Variants in SPOCK3 observed in about 807,000 individuals in gnomAD.
The protein encoded by SPOCK3 is testican-3.
Under a neutral mutation model 56.6 loss-of-function variants are expected in SPOCK3, and 30 were observed. That is an observed-to-expected ratio of 0.53 (90% CI 0.40 to 0.72). The LOEUF is 0.72. Among genes scored for constraint, SPOCK3 ranks in the 30% least tolerant of loss-of-function variants. The pLI is 0.00. For missense variants in SPOCK3, 527 were observed against 530.0 expected, an observed-to-expected ratio of 0.99 and a Z score of 0.06; for synonymous variants, 196 against 183.3, an observed-to-expected ratio of 1.07 and a Z score of -0.56.
At position 166,836,844 on chromosome 4, in the gene SPOCK3, C is replaced by T. The variant is rs566120851; in HGVS notation, c.590-44555G>A. ...GACTACCATCTGTATCTTATTACCT[C>T]GGCCTACTTTCAGAGATAATTCTGA... On this transcript the variant is annotated intron_variant, in intron 6 of 10. Transcript: ENST00000357545. Among the ~76,000 whole-genome samples, 17 of 152,288 alleles carry T rather than the reference C, an allele frequency of 1.1e-4. 1 individual carries two copies. Among genetic ancestry groups the T allele is most frequent in the African/African-American group, 3.9e-4 (16 of 41,552 alleles).
At chr4:167,031,447 C>T (rs1752265377) in intron 3 of SPOCK3, among the ~76,000 whole-genome samples, 4 of 151,944 alleles carry the variant, frequency 2.6e-5, no homozygotes, top group Non-Finnish European at 5.9e-5. Context: ...TAAAAAAGCA[C>T]AGTTACTGTG....
At chr4:166,772,885 A>G (rs10034162) in intron 7 of SPOCK3, among the ~76,000 whole-genome samples, 50,445 of 151,946 alleles carry the variant, frequency 0.33, 8,544 homozygotes, top group Admixed American at 0.42. Flanking sequence ...CAACCTCCTG[A>G]GCTCAAGTGA....
intron 2 of SPOCK3, among the ~76,000 whole-genome samples, chr4:167,122,912 G>A (rs1284581441): frequency 6.6e-6 from 1 of 151,630 alleles, no homozygotes; most frequent in Non-Finnish European, 1.5e-5. Context: ...AGTAGTACCA[G>A]CCTTAAAATA....
intron 2 of SPOCK3, among the ~76,000 whole-genome samples, chr4:167,196,670 G>C (rs1554051369): frequency 1.3e-5 from 2 of 151,926 alleles, no homozygotes; most frequent in Non-Finnish European, 2.9e-5. Context: ...TAGAGTTCAG[G>C]GTTCTCTTCT....
chr4:166,993,013 A>G (rs1229989206), intron 4 of SPOCK3, among the ~76,000 whole-genome samples: 1 of 152,074 alleles, frequency 6.6e-6, no homozygotes, highest in Non-Finnish European at 1.5e-5. Flanking sequence ...GCCCTCTTCT[A>G]CCGATCATCG....
chr4:167,174,069 T>G (rs930189553), intron 2 of SPOCK3, among the ~76,000 whole-genome samples: 2 of 152,162 alleles, frequency 1.3e-5, no homozygotes, highest in Non-Finnish European at 2.9e-5. Flanking sequence ...TGTTTTTTAA[T>G]AGCTTCAGAA....
chr4:166,737,451 T>C lies in SPOCK3; in HGVS notation c.1132+16A>G. ...TGTGCTTAGAAAATTATGAAATAAG[T>C]AACCCTTCTCCTTACCACAATCTGC... On this transcript the variant is annotated intron_variant, in intron 10 of 10. Coordinates refer to ENST00000357545, the MANE Select transcript of SPOCK3 (RefSeq NM_001040159.2). 1 of 1,604,186 alleles carries C rather than the reference T, an allele frequency of 6.2e-7. No homozygotes were observed. Among genetic ancestry groups the C allele is most frequent in the South Asian group, 1.1e-5 (1 of 89,326 alleles).
intron 2 of SPOCK3, among the ~76,000 whole-genome samples, chr4:167,151,746 G>A (rs1245074953): frequency 6.6e-6 from 1 of 151,936 alleles, no homozygotes; most frequent in Non-Finnish European, 1.5e-5. Flanking sequence ...CACTTTCCAC[G>A]TTCTTAATTT....
chr4:166,822,059 T>C (rs59443386), intron 6 of SPOCK3, among the ~76,000 whole-genome samples: 112,263 of 151,842 alleles, frequency 0.74, 41,573 homozygotes, highest in East Asian at 0.81. Context: ...AATATTTCTG[T>C]CTTTTTTTAA....
At chr4:167,125,151 G>C (rs1007371964) in intron 2 of SPOCK3, among the ~76,000 whole-genome samples, 2 of 151,132 alleles carry the variant, frequency 1.3e-5, no homozygotes, top group African/African-American at 4.8e-5. Flanking sequence ...TTATGGGGTA[G>C]CTCCTCCATT....
intron 6 of SPOCK3, among the ~76,000 whole-genome samples, chr4:166,802,497 C>T (rs370137912): frequency 1.9e-4 from 29 of 152,218 alleles, no homozygotes; most frequent in East Asian, 5.8e-4. Context: ...CCTTCCTAGA[C>T]GGCATTTTTT....
intron 2 of SPOCK3, chr4:167,083,206 A>G (rs767128188): frequency 2.9e-5 from 22 of 765,086 alleles, no homozygotes; most frequent in African/African-American, 5.1e-5. Context: ...AATTGCCACA[A>G]AATTTCTGTC....
intron 5 of SPOCK3, among the ~76,000 whole-genome samples, chr4:166,902,503 C>T (rs1736156956): frequency 6.6e-6 from 1 of 151,346 alleles, no homozygotes; most frequent in African/African-American, 2.4e-5. Context: ...AAACTTTTGA[C>T]TTTCTCATTC....
At chr4:166,824,414 C>T (rs986370710) in intron 6 of SPOCK3, among the ~76,000 whole-genome samples, 2 of 152,038 alleles carry the variant, frequency 1.3e-5, no homozygotes, top group Admixed American at 6.6e-5. Context: ...AGATCTTATT[C>T]CAGAGTATTT....
intron 8 of SPOCK3, among the ~76,000 whole-genome samples, chr4:166,743,890 T>C (rs921046819): frequency 9.2e-5 from 14 of 152,128 alleles, no homozygotes; most frequent in African/African-American, 3.4e-4. Flanking sequence ...CTGTGAGGCA[T>C]CAGCGAGACT....
intron 3 of SPOCK3, among the ~76,000 whole-genome samples, chr4:167,038,663 C>CA (rs558863795): frequency 0.088 from 9,430 of 106,800 alleles, 264 homozygotes; most frequent in African/African-American, 0.098. Context: ...TTATTTTTTC[C>CA]AAAAAAAAAA....
intron 4 of SPOCK3, among the ~76,000 whole-genome samples, chr4:166,948,585 T>G (rs375822202): frequency 3.3e-5 from 5 of 152,176 alleles, no homozygotes; most frequent in African/African-American, 1.2e-4. Flanking sequence ...GATATCTCAT[T>G]GTGGTTTTGA....
At chr4:167,211,855 A>G (rs1734908943) in intron 2 of SPOCK3, among the ~76,000 whole-genome samples, 1 of 152,238 alleles carries the variant, frequency 6.6e-6, no homozygotes, top group African/African-American at 2.4e-5. Context: ...ACAAAAGCAT[A>G]CTTTTAATCA....
chr4:167,043,940 C>T (rs1024049451), intron 3 of SPOCK3, among the ~76,000 whole-genome samples: 18 of 151,956 alleles, frequency 1.2e-4, no homozygotes, highest in African/African-American at 4.3e-4. Flanking sequence ...TTGATATTAG[C>T]ATGATGGTGG....
Sources: gnomAD v4.1 joint callset for allele counts (sites outside exome capture counted in the v4.1 genomes callset) on GRCh38, gnomAD v4.1.1 for gene constraint, MANE v1.5 for transcripts, NCBI Gene and HGNC (gene_info 2026-07-23, HGNC 2026-07-21) for gene names.